The following COLEC10 variants were observed in gnomAD, a reference collection of about 807,000 sequenced individuals.
COLEC10 encodes the protein collectin subfamily member 10.
COLEC10 carries 22 observed loss-of-function variants against 28.4 expected under a neutral mutation model. The observed-to-expected ratio is 0.78, with a 90% CI of 0.55 to 1.11. COLEC10 has a LOEUF of 1.11. COLEC10 is among the 50% of genes least tolerant of loss of function. COLEC10 has a pLI of 0.00. For synonymous variants in COLEC10, 125 were observed against 116.1 expected (o/e 1.08, Z -0.49); for missense variants, 361 against 344.1 (o/e 1.05, Z -0.39).
intron 1 of COLEC10, among the ~76,000 whole-genome samples, chr8:118,996,313 A>G (rs1328793613): frequency 6.6e-6 from 1 of 152,204 alleles, no homozygotes; most frequent in Non-Finnish European, 1.5e-5. Context: ...ATAATGCTAC[A>G]ATAAACATGG....
intron 1 of COLEC10, among the ~76,000 whole-genome samples, chr8:119,082,224 G>A (rs1475311125): frequency 2.0e-5 from 3 of 152,164 alleles, no homozygotes; most frequent in Admixed American, 2.0e-4. Context: ...AGAGGCAGTG[G>A]TGTGTGTATT....
chr8:118,989,135 T>G, the COLEC10 span, among the ~76,000 whole-genome samples: 3 of 152,048 alleles, frequency 2.0e-5, no homozygotes, highest in Non-Finnish European at 4.4e-5. Context: ...CGAGAACAGA[T>G]GAGTAATGTA....
intron 2 of COLEC10, among the ~76,000 whole-genome samples, chr8:119,048,901 G>A (rs1178854450): frequency 3.3e-5 from 5 of 152,240 alleles, no homozygotes; most frequent in African/African-American, 1.2e-4. Flanking sequence ...TGTTATGCAG[G>A]CTTGATTATG....
the COLEC10 span, among the ~76,000 whole-genome samples, chr8:118,987,094 C>G: frequency 2.0e-4 from 30 of 152,200 alleles, no homozygotes; most frequent in East Asian, 5.8e-3. Flanking sequence ...AATACTTTGT[C>G]TCGTCTCTGA....
At chr8:119,052,330 C>T (rs778979921) in intron 2 of COLEC10, among the ~76,000 whole-genome samples, 1 of 151,936 alleles carries the variant, frequency 6.6e-6, no homozygotes, top group Non-Finnish European at 1.5e-5. Flanking sequence ...ATATACTGAC[C>T]TCTCACAAAG....
At chr8:119,071,803 T>C (rs1047102094) in intron 1 of COLEC10, among the ~76,000 whole-genome samples, 1 of 152,180 alleles carries the variant, frequency 6.6e-6, no homozygotes, top group African/African-American at 2.4e-5. Flanking sequence ...ATTAAATGAA[T>C]CTACCCAAAT....
At chr8:118,992,419 G>T (rs558097229), upstream of COLEC10, among the ~76,000 whole-genome samples, 1 of 152,234 alleles carries the variant, frequency 6.6e-6, no homozygotes, top group South Asian at 2.1e-4. Context: ...AAAATGGTTG[G>T]CAGGACATGG....
chr8:118,974,724 C>T, the COLEC10 span, among the ~76,000 whole-genome samples: 6 of 152,024 alleles, frequency 3.9e-5, no homozygotes, highest in Non-Finnish European at 8.8e-5. Flanking sequence ...GCCAAAGACT[C>T]AACTCTGCAC....
Position 119,089,696 on chromosome 8 carries a change from A to G in COLEC10, c.165A>G (p.Lys55=), listed in dbSNP as rs1815550114. Residue 55 remains lysine (K), a synonymous_variant, in exon 2 of 6, where the codon AAA becomes AAG. Coordinates refer to ENST00000332843, the MANE Select transcript of COLEC10 (RefSeq NM_006438.5). The part of the protein sequence containing the change: ...SPGPKGDDGE[K]GDPGEEGKHG... Reference sequence around the variant, plus strand: ...TTTCAAAAGGAGATGATGGTGAAAAAGGAGATCCAGGAGAAGAGGGAAAGC... The same window carrying G: ...TTTCAAAAGGAGATGATGGTGAAAAGGGAGATCCAGGAGAAGAGGGAAAGC... 3 of 1,613,168 alleles carry G rather than the reference A, an allele frequency of 1.9e-6. No homozygotes were observed. The highest frequency in any genetic ancestry group is 2.5e-6 in the Non-Finnish European group (3 of 1,179,382).
At chr8:118,964,249 C>T in the COLEC10 span, among the ~76,000 whole-genome samples, 1 of 152,202 alleles carries the variant, frequency 6.6e-6, no homozygotes, top group Non-Finnish European at 1.5e-5. Flanking sequence ...CAATGTCTGA[C>T]ACTTGTATCT....
chr8:118,992,709 A>G (rs1339246330), upstream of COLEC10, among the ~76,000 whole-genome samples: 1 of 152,140 alleles, frequency 6.6e-6, no homozygotes, highest in Non-Finnish European at 1.5e-5. Context: ...CTACCCTTTA[A>G]CCAGAAAGAT....
At chr8:118,967,751 G>A in the COLEC10 span, among the ~76,000 whole-genome samples, 1,062 of 152,126 alleles carry the variant, frequency 7.0e-3, 10 homozygotes, top group African/African-American at 0.023. Flanking sequence ...AGAAACCTAA[G>A]ATCCATATGG....
At chr8:119,073,161 C>T (rs1563735090) in intron 1 of COLEC10, among the ~76,000 whole-genome samples, 1 of 152,220 alleles carries the variant, frequency 6.6e-6, no homozygotes, top group South Asian at 2.1e-4. Flanking sequence ...GGTAAAATAA[C>T]TTGTTCTAGG....
the COLEC10 span, among the ~76,000 whole-genome samples, chr8:118,971,250 G>A: frequency 6.6e-6 from 1 of 151,890 alleles, no homozygotes; most frequent in South Asian, 2.1e-4. Context: ...CCCATCCTTG[G>A]CATGCTAGTT....
At chr8:118,964,199 T>A in the COLEC10 span, among the ~76,000 whole-genome samples, 5 of 152,184 alleles carry the variant, frequency 3.3e-5, no homozygotes, top group African/African-American at 1.2e-4. Flanking sequence ...ATAGCCAATC[T>A]TGACCATCCT....
chr8:118,973,262 A>G, the COLEC10 span, among the ~76,000 whole-genome samples: 1 of 152,060 alleles, frequency 6.6e-6, no homozygotes, highest in African/African-American at 2.4e-5. Context: ...AGCTTAAAAC[A>G]GCATACATTT....
chr8:119,100,671 T>C lies in COLEC10; in HGVS notation c.293-1677T>C, dbSNP rs184579432. 5.9e-5 allele frequency among the ~76,000 whole-genome samples: 9 copies of C among 152,278 alleles called. No homozygotes were observed. The East Asian group carries it at 1.2e-3, about 20-fold the overall frequency. The stretch of plus-strand genomic sequence containing the variant: ...CAAATGCTAAACTTTCCTTTACCCT[T>C]CCACTTGAAGCACTATCTCTTCTGC... On this transcript the variant is annotated intron_variant, in intron 3 of 5. Transcript: ENST00000332843.
rs1488628322 is a variant in COLEC10 at position 119,107,788 on chromosome 8, C to G, written c.*1597C>G. On this transcript the variant is annotated 3_prime_UTR_variant, in exon 6 of 6. Coordinates refer to ENST00000332843, the MANE Select transcript of COLEC10 (RefSeq NM_006438.5). The stretch of plus-strand genomic sequence containing the variant: ...CTGCTGGTGCTAGGGAGGACCCAAT[C>G]TTGCTAAATGTGCTGATATTTCAAG... Among the ~76,000 whole-genome samples, 4 of 152,128 alleles carry G rather than the reference C, an allele frequency of 2.6e-5. No individual in the cohort carries two copies. The highest frequency in any genetic ancestry group is 2.6e-4 in the Admixed American group (4 of 15,258).
chr8:118,974,298 AT>A, the COLEC10 span, among the ~76,000 whole-genome samples: 1 of 152,018 alleles, frequency 6.6e-6, no homozygotes, highest in African/African-American at 2.4e-5. Flanking sequence ...ATGAAGACCT[AT>A]TTGTTAAAAT....
Sources: allele counts gnomAD v4.1 joint callset (sites outside exome capture counted in the v4.1 genomes callset), GRCh38; gene constraint gnomAD v4.1.1; transcripts MANE v1.5; gene names NCBI Gene and HGNC (gene_info 2026-07-23, HGNC 2026-07-21).